The following MOSMO variants were observed in gnomAD, a reference collection of about 807,000 sequenced individuals.
The protein encoded by MOSMO is modulator of smoothened protein.
Under a neutral mutation model 18.4 loss-of-function variants are expected in MOSMO, and 5 were observed. That is an observed-to-expected ratio of 0.27 (90% CI 0.14 to 0.57). The LOEUF (loss-of-function observed/expected upper bound fraction) is 0.57, where lower values mean the gene tolerates loss of function less well. MOSMO is among the 20% of genes least tolerant of loss of function. The pLI, the probability that MOSMO is intolerant of heterozygous loss-of-function variation, is 0.92. For missense variants in MOSMO, 138 were observed against 211.8 expected, an observed-to-expected ratio of 0.65 and a Z score of 2.16; for synonymous variants, 82 against 82.3, an observed-to-expected ratio of 1.00 and a Z score of 0.02.
Position 22,008,312 on chromosome 16 carries a change from T to G in MOSMO, c.11T>G (p.Leu4Arg). MDK[L>R]TIISGCLFLA... ...GAGCGGGGCGGGGAGATGGATAAAC[T>G]GACCATCATCTCAGGATGTCTCTTT... Residue 4 changes from leucine to arginine, a missense_variant, in exon 1 of 3, where the codon CTG becomes CGG. Physicochemically the swap from Leu to Arg is moderately radical, Grantham distance 102. Coordinates refer to ENST00000542527, the MANE Select transcript of MOSMO (RefSeq NM_001164579.2). 2 of 1,528,766 alleles carry G rather than the reference T, an allele frequency of 1.3e-6. No homozygotes were observed. The highest frequency in any genetic ancestry group is 1.7e-6 in the Non-Finnish European group (2 of 1,143,184). 94.7% of individuals were successfully genotyped at this position (1,528,766 alleles called of 1,614,324 possible). A position where few individuals can be genotyped will look rare whatever the true frequency, so the allele number is the denominator to read the frequency against.
chr16:22,090,705 C>G (rs1449856979), downstream of MOSMO, among the ~76,000 whole-genome samples: 1 of 152,216 alleles, frequency 6.6e-6, no homozygotes, highest in Non-Finnish European at 1.5e-5. Flanking sequence ...TGATCCATTT[C>G]CAAGAGCCTA....
intron 1 of MOSMO, among the ~76,000 whole-genome samples, chr16:22,032,188 C>CTTTT (rs1323183775): frequency 3.8e-5 from 5 of 132,682 alleles, no homozygotes; most frequent in Non-Finnish European, 6.5e-5. Context: ...CTACCCTTTT[C>CTTTT]TTTTTTTTTT....
At chr16:22,030,835 T>A (rs1264765285) in intron 1 of MOSMO, among the ~76,000 whole-genome samples, 1 of 152,180 alleles carries the variant, frequency 6.6e-6, no homozygotes, top group Non-Finnish European at 1.5e-5. Flanking sequence ...AGTCTTTTTT[T>A]ATTATTATTA....
chr16:22,015,705 A>G (rs897716401), intron 1 of MOSMO, among the ~76,000 whole-genome samples: 1 of 152,170 alleles, frequency 6.6e-6, no homozygotes, highest in African/African-American at 2.4e-5. Context: ...TTCCAATAGG[A>G]AATTAGATCT....
At chr16:22,046,323 T>C (rs1393659952) in intron 1 of MOSMO, among the ~76,000 whole-genome samples, 1 of 152,096 alleles carries the variant, frequency 6.6e-6, no homozygotes, top group Non-Finnish European at 1.5e-5. Context: ...ACTGCAAACA[T>C]TGAATTAGTG....
chr16:22,020,901 T>A (rs2141985205), intron 1 of MOSMO, among the ~76,000 whole-genome samples: 1 of 152,306 alleles, frequency 6.6e-6, no homozygotes, highest in African/African-American at 2.4e-5. Flanking sequence ...ATGTCAACAG[T>A]GTTTTGGGTT....
chr16:22,067,801 A>C (rs960125296), intron 1 of MOSMO, among the ~76,000 whole-genome samples: 2 of 151,886 alleles, frequency 1.3e-5, no homozygotes, highest in African/African-American at 2.4e-5. Flanking sequence ...ATCGCTTGAA[A>C]CCTGGTAGGC....
At chr16:22,045,935 G>C (rs1040426513) in intron 1 of MOSMO, among the ~76,000 whole-genome samples, 8 of 151,330 alleles carry the variant, frequency 5.3e-5, no homozygotes, top group South Asian at 2.1e-4. Flanking sequence ...GTGCAGGTTA[G>C]TTACATATGT....
At chr16:22,024,740 G>T (rs997282683) in intron 1 of MOSMO, among the ~76,000 whole-genome samples, 3 of 152,120 alleles carry the variant, frequency 2.0e-5, no homozygotes, top group African/African-American at 4.8e-5. Flanking sequence ...ACCAGAAAAG[G>T]TTTAAGTTTT....
At chr16:22,049,242 C>A (rs912694512) in intron 1 of MOSMO, among the ~76,000 whole-genome samples, 2 of 152,084 alleles carry the variant, frequency 1.3e-5, no homozygotes, top group African/African-American at 4.8e-5. Context: ...ATTCTGTAGC[C>A]CAGGCTGAAG....
intron 1 of MOSMO, among the ~76,000 whole-genome samples, chr16:22,053,469 G>A (rs1276399959): frequency 6.6e-6 from 1 of 152,118 alleles, no homozygotes; most frequent in Non-Finnish European, 1.5e-5. Flanking sequence ...TCATGCTCTT[G>A]TATATGCGTA....
intron 1 of MOSMO, among the ~76,000 whole-genome samples, chr16:22,024,638 T>C (rs1196438037): frequency 6.6e-6 from 1 of 152,182 alleles, no homozygotes; most frequent in Non-Finnish European, 1.5e-5. Flanking sequence ...GTGCTGGAAT[T>C]ACAGGCATGA....
rs1901123399 is a variant in MOSMO, at chr16:22,083,744, AT to A, written c.*2867del. 2.2e-6 allele frequency: 1 copy of A among 450,352 alleles called. No homozygotes were observed. Among genetic ancestry groups the A allele is most frequent in the African/African-American group, 2.0e-5 (1 of 49,694 alleles). The allele number at this position is 450,352 out of a possible 1,614,324, so 27.9% of individuals were successfully genotyped here. ...CTGCTGAAAACTATTTTTAGGTTTT[AT>A]TTGCACAAGACTGAATTAGTTTGAC... On this transcript the variant is annotated 3_prime_UTR_variant, in exon 3 of 3. Coordinates refer to ENST00000542527, the MANE Select transcript of MOSMO (RefSeq NM_001164579.2).
At chr16:22,019,384 G>A (rs894646591) in intron 1 of MOSMO, among the ~76,000 whole-genome samples, 2 of 152,008 alleles carry the variant, frequency 1.3e-5, no homozygotes, top group East Asian at 1.9e-4. Flanking sequence ...CCCATCTTCC[G>A]AGCATATCAG....
Position 22,081,193 on chromosome 16 carries a change from A to C in MOSMO, c.*313A>C, listed in dbSNP as rs1040884779. The C allele has an allele frequency of 3.0e-4, 48 of 161,862 alleles. No homozygotes were observed. Among genetic ancestry groups the C allele is most frequent in the Non-Finnish European group, 5.5e-4 (41 of 73,886 alleles). The allele number at this position is 161,862 out of a possible 1,614,324, so 10.0% of individuals were successfully genotyped here. A position where few individuals can be genotyped will look rare whatever the true frequency, so the allele number is the denominator to read the frequency against. On this transcript the variant is annotated 3_prime_UTR_variant, in exon 3 of 3. Transcript: ENST00000542527. ...AACCTAGAGAAGGAGAATGCTTTATACCGAAAAGCATGTGGCCCTTTGTGA... is the reference window on the plus strand; with the variant it reads ...AACCTAGAGAAGGAGAATGCTTTATCCCGAAAAGCATGTGGCCCTTTGTGA...
chr16:22,054,288 G>T (rs1900490534), intron 1 of MOSMO, among the ~76,000 whole-genome samples: 1 of 152,052 alleles, frequency 6.6e-6, no homozygotes, highest in South Asian at 2.1e-4. Flanking sequence ...CAAAGACAGG[G>T]TCTCACTCTG....
intron 1 of MOSMO, among the ~76,000 whole-genome samples, chr16:22,023,255 A>G (rs117092791): frequency 6.5e-4 from 99 of 152,278 alleles, no homozygotes; most frequent in Non-Finnish European, 1.1e-3. Context: ...TTAGAAGACA[A>G]ACCCTTTTAT....
chr16:22,063,305 A>G (rs1900686556), intron 1 of MOSMO, among the ~76,000 whole-genome samples: 1 of 152,260 alleles, frequency 6.6e-6, no homozygotes, highest in African/African-American at 2.4e-5. Context: ...TTAAGGAAGT[A>G]CAATTTAGTA....
intron 1 of MOSMO, among the ~76,000 whole-genome samples, chr16:22,014,708 C>G (rs1421685447): frequency 1.3e-5 from 2 of 152,140 alleles, no homozygotes; most frequent in African/African-American, 4.8e-5. Flanking sequence ...TCAAAGGTCA[C>G]AAAGGTACTT....
Sources: gnomAD v4.1 joint callset for allele counts (sites outside exome capture counted in the v4.1 genomes callset) on GRCh38, gnomAD v4.1.1 for gene constraint, MANE v1.5 for transcripts, NCBI Gene and HGNC (gene_info 2026-07-23, HGNC 2026-07-21) for gene names.